TRAF3IP3: variants seen among roughly 807,000 people sequenced by gnomAD.
The protein encoded by TRAF3IP3 is TRAF3-interacting JNK-activating modulator.
In TRAF3IP3, 64 loss-of-function variants were observed where a neutral mutation model predicts 86.5. The ratio of observed to expected loss-of-function variants is 0.74; its 90% CI spans 0.60 to 0.91. The LOEUF (loss-of-function observed/expected upper bound fraction) is 0.91, where lower values mean the gene tolerates loss of function less well. Among genes scored for constraint, TRAF3IP3 ranks in the 40% least tolerant of loss-of-function variants. The pLI, the probability that TRAF3IP3 is intolerant of heterozygous loss-of-function variation, is 0.00. For missense variants in TRAF3IP3, 579 were observed against 642.9 expected (o/e 0.90, Z 1.07); for synonymous variants, 220 against 243.9 (o/e 0.90, Z 0.91).
In TRAF3IP3 at chr1:209,780,611, G is replaced by A. The variant is rs377642925; in HGVS notation, c.1449+5G>A. The A allele has an allele frequency of 2.3e-5, 37 of 1,580,118 alleles. No homozygotes were observed. The highest frequency in any genetic ancestry group is 8.9e-5 in the Admixed American group (5 of 56,480). On this transcript the variant is annotated splice_donor_5th_base_variant and intron_variant, in intron 15 of 16. Coordinates refer to ENST00000367025, the MANE Select transcript of TRAF3IP3 (RefSeq NM_025228.4). ...CTCCAGGCCAAGGAAAAGGAGGTGA[G>A]AGGGTGACCTGAGATAGTGAGGGCT...
At chr1:209,762,194 A>G (rs2077258301) in intron 3 of TRAF3IP3, among the ~76,000 whole-genome samples, 1 of 152,202 alleles carries the variant, frequency 6.6e-6, no homozygotes. Context: ...TCTTCCCACT[A>G]TGCAGATGGC....
intron 8 of TRAF3IP3, among the ~76,000 whole-genome samples, chr1:209,772,069 A>ATGGAGGTGTGTGTGTGCATG: frequency 6.8e-6 from 1 of 146,848 alleles, no homozygotes; most frequent in African/African-American, 2.5e-5. Context: ...GTGTGTGTAT[A>ATGGAGGTGTGTGTGTGCATG]TGGAGGTGTG....
rs186984604 is a variant in TRAF3IP3, at chr1:209,770,494, C to T, written c.703-2454C>T. Among the ~76,000 whole-genome samples the T allele has an allele frequency of 8.2e-4, 92 of 112,728 alleles. 1 individual carries two copies. In the South Asian group the frequency reaches 8.4e-3, roughly 10 times the overall value. The allele number at this position is 112,728 out of a possible 152,430, so 74.0% of individuals were successfully genotyped here. ...GTGTGTGTGTGCATGTGGAAGTGTG[C>T]GTGTGCATGTGAAAGTATGTGTGTG... On this transcript the variant is annotated intron_variant, in intron 8 of 16. Transcript: ENST00000367025.
At chr1:209,768,962 G>T (rs191125352) in intron 8 of TRAF3IP3, among the ~76,000 whole-genome samples, 19 of 152,330 alleles carry the variant, frequency 1.2e-4, no homozygotes, top group Non-Finnish European at 1.9e-4. Context: ...CATCCCCACT[G>T]AAGTGGCTAT....
intron 9 of TRAF3IP3, 40 bp from the exon 10 acceptor site, chr1:209,775,309 A>C (rs752794603): frequency 1.3e-6 from 2 of 1,567,160 alleles, no homozygotes; most frequent in African/African-American, 2.7e-5. Context: ...TGGCACACAG[A>C]AGCTCAATGT....
intron 8 of TRAF3IP3, chr1:209,768,324 T>C (rs2077396100): frequency 2.0e-6 from 2 of 985,306 alleles, no homozygotes; most frequent in Non-Finnish European, 2.4e-6. Flanking sequence ...GCCTTTTGGA[T>C]ACCATAGGCT....
intron 8 of TRAF3IP3, among the ~76,000 whole-genome samples, chr1:209,765,204 A>G (rs867300935): frequency 1.1e-4 from 15 of 138,456 alleles, no homozygotes; most frequent in African/African-American, 3.4e-4. Flanking sequence ...AGAGAGAGAG[A>G]GAGAGAGAGG....
At chr1:209,776,352 C>T (rs925544544) in intron 11 of TRAF3IP3, 3 of 152,138 alleles carry the variant, frequency 2.0e-5, no homozygotes, top group Non-Finnish European at 2.9e-5. Context: ...CACAAAAACA[C>T]TCAGTAAATA....
chr1:209,763,753 A>G (rs2077290233), intron 8 of TRAF3IP3, among the ~76,000 whole-genome samples, 166 bp downstream of exon 8: 1 of 152,218 alleles, frequency 6.6e-6, no homozygotes, highest in African/African-American at 2.4e-5. Flanking sequence ...TAGAAGTCAA[A>G]CAGGTCACAA....
chr1:209,775,575 C>T (rs1166791363), intron 10 of TRAF3IP3, 24 bp from the exon 11 acceptor site: 11 of 1,614,146 alleles, frequency 6.8e-6, no homozygotes, highest in Non-Finnish European at 9.3e-6. Context: ...TCCCTGGAGC[C>T]CTCTCCTCTC....
chr1:209,765,202 AG>A (rs2077322413), intron 8 of TRAF3IP3, among the ~76,000 whole-genome samples: 1 of 138,396 alleles, frequency 7.2e-6, no homozygotes, highest in African/African-American at 2.8e-5. Context: ...AGAGAGAGAG[AG>A]AGAGAGAGAG....
intron 8 of TRAF3IP3, chr1:209,768,666 T>C (rs2077402745): frequency 3.0e-6 from 3 of 985,530 alleles, no homozygotes; most frequent in Admixed American, 1.2e-4. Context: ...ACCAGGTGTG[T>C]ATGGCCTCCG....
intron 13 of TRAF3IP3, chr1:209,778,475 T>C (rs1381522999): frequency 1.1e-5 from 4 of 356,994 alleles, no homozygotes; most frequent in African/African-American, 2.1e-5. Context: ...ATTTTATATA[T>C]TCTAATTTAT....
intron 9 of TRAF3IP3, among the ~76,000 whole-genome samples, chr1:209,773,711 G>A (rs937686990): frequency 2.0e-5 from 3 of 152,188 alleles, no homozygotes; most frequent in African/African-American, 7.2e-5. Context: ...GTCTTACAGG[G>A]GAAGAGAGTT....
rs944442057 is a variant in TRAF3IP3, at chr1:209,780,753, T to G, written c.1449+147T>G. ...TGCCTACATAAAGTGTCTGTGCTTTTGGGCTGACTTGTCAATCTTTTCCCT... is the reference window on the plus strand; with the variant it reads ...TGCCTACATAAAGTGTCTGTGCTTTGGGGCTGACTTGTCAATCTTTTCCCT... On this transcript the variant is annotated intron_variant, in intron 15 of 16. Transcript: ENST00000367025. 1.7e-5 allele frequency: 11 copies of G among 654,338 alleles called. No individual in the cohort carries two copies. In the African/African-American group the frequency reaches 2.1e-4, roughly 12 times the overall value. The allele number at this position is 654,338 out of a possible 1,614,324, so 40.5% of individuals were successfully genotyped here.
At chr1:209,769,454 G>A (rs2077421453) in intron 8 of TRAF3IP3, among the ~76,000 whole-genome samples, 1 of 152,234 alleles carries the variant, frequency 6.6e-6, no homozygotes, top group Admixed American at 6.5e-5. Flanking sequence ...TCCCTCACAT[G>A]AGACGTTAGG....
chr1:209,757,284 G>A (rs998553894), intron 1 of TRAF3IP3, among the ~76,000 whole-genome samples: 2 of 152,226 alleles, frequency 1.3e-5, no homozygotes, highest in African/African-American at 4.8e-5. Context: ...TTGGTGGCCT[G>A]GGTGGAGAGC....
chr1:209,772,883 T>C (rs2077576173), intron 8 of TRAF3IP3, 65 bp from the exon 9 acceptor site: 2 of 1,388,878 alleles, frequency 1.4e-6, no homozygotes, highest in Non-Finnish European at 1.0e-6. Context: ...AATAGGAATA[T>C]AGAGTCAAAC....
chr1:209,758,403 C>A (rs1033393655), intron 1 of TRAF3IP3: 4 of 152,128 alleles, frequency 2.6e-5, no homozygotes, highest in Non-Finnish European at 5.9e-5. Flanking sequence ...GTGTCCAGGG[C>A]TTGACCACAC....
Sources: allele counts gnomAD v4.1 joint callset (sites outside exome capture counted in the v4.1 genomes callset), GRCh38; gene constraint gnomAD v4.1.1; transcripts MANE v1.5; gene names NCBI Gene and HGNC (gene_info 2026-07-23, HGNC 2026-07-21).